The following TENM3 variants were observed in gnomAD, a reference collection of about 807,000 sequenced individuals.
TENM3 encodes the protein teneurin-3.
A neutral mutation model predicts 255.1 loss-of-function variants in TENM3; 63 were observed. The observed-to-expected ratio is 0.25, with a 90% confidence interval of 0.20 to 0.30. The LOEUF (loss-of-function observed/expected upper bound fraction) is 0.30. Among genes scored for constraint, TENM3 ranks in the 10% least tolerant of loss-of-function variants. TENM3 has a pLI of 1.00. For synonymous variants in TENM3, 1,306 were observed against 1,322.3 expected, an observed-to-expected ratio of 0.99 and a Z score of 0.27; for missense variants, 2,929 against 3,461.1, an observed-to-expected ratio of 0.85 and a Z score of 3.86.
the TENM3 span, among the ~76,000 whole-genome samples, chr4:182,116,913 A>G: frequency 8.9e-4 from 136 of 152,358 alleles, no homozygotes; most frequent in Non-Finnish European, 1.6e-3. Flanking sequence ...ACCAGCAGCA[A>G]TAAATGAAAG....
chr4:182,332,909 T>G (rs1763873866), intron 2 of TENM3, among the ~76,000 whole-genome samples: 1 of 152,122 alleles, frequency 6.6e-6, no homozygotes, highest in Admixed American at 6.6e-5. Context: ...CTAAAAAGAC[T>G]GTAACAACTA....
At chr4:181,743,344 C>T in the TENM3 span, among the ~76,000 whole-genome samples, 1 of 152,120 alleles carries the variant, frequency 6.6e-6, no homozygotes, top group Non-Finnish European at 1.5e-5. Context: ...CCTGTTGTTT[C>T]CTGACTTTTT....
At chr4:182,474,861 C>T (rs189063325) in intron 3 of TENM3, among the ~76,000 whole-genome samples, 1 of 152,020 alleles carries the variant, frequency 6.6e-6, no homozygotes, top group East Asian at 1.9e-4. Flanking sequence ...TTATGTGTGC[C>T]TCTAGCTTTG....
chr4:181,653,919 C>A, the TENM3 span, among the ~76,000 whole-genome samples: 1 of 151,722 alleles, frequency 6.6e-6, no homozygotes, highest in South Asian at 2.1e-4. Context: ...TGTGTCCATG[C>A]GTTCTCACAG....
chr4:182,201,568 C>T (rs560106550), intron 1 of TENM3, among the ~76,000 whole-genome samples: 34 of 151,214 alleles, frequency 2.2e-4, no homozygotes, highest in Middle Eastern at 3.4e-3. Context: ...GCAGGAGTTG[C>T]GAGCAGATGC....
chr4:181,826,167 G>T, the TENM3 span, among the ~76,000 whole-genome samples: 5 of 151,916 alleles, frequency 3.3e-5, no homozygotes, highest in Non-Finnish European at 5.9e-5. Flanking sequence ...GCCATAACTT[G>T]TAATAAAATT....
intron 6 of TENM3, among the ~76,000 whole-genome samples, chr4:182,670,992 T>G (rs1755157212): frequency 6.6e-6 from 1 of 151,692 alleles, no homozygotes; most frequent in Non-Finnish European, 1.5e-5. Context: ...CTTGATAGAG[T>G]GAAAATACAA....
chr4:182,605,763 G>A (rs1185491902), intron 4 of TENM3, among the ~76,000 whole-genome samples: 1 of 152,152 alleles, frequency 6.6e-6, no homozygotes, highest in Non-Finnish European at 1.5e-5. Context: ...AATTGAGGAA[G>A]CTATTGTAAG....
chr4:181,891,660 T>C, the TENM3 span, among the ~76,000 whole-genome samples: 1 of 152,332 alleles, frequency 6.6e-6, no homozygotes, highest in South Asian at 2.1e-4. Context: ...TATATGCTCA[T>C]TATTAAACCT....
intron 3 of TENM3, among the ~76,000 whole-genome samples, chr4:182,536,534 G>T (rs959799164): frequency 5.3e-5 from 8 of 152,136 alleles, no homozygotes; most frequent in African/African-American, 1.9e-4. Context: ...CCTGGCCGCC[G>T]CAAAAAGTAC....
chr4:182,688,435 C>A, intron 12 of TENM3, 84 bp downstream of exon 12: 1 of 1,121,044 alleles, frequency 8.9e-7, no homozygotes, highest in Non-Finnish European at 1.2e-6. Context: ...TGGAAAAAGC[C>A]TATTTCTTTA....
chr4:182,397,455 C>G (rs1220307928), intron 3 of TENM3, among the ~76,000 whole-genome samples: 2 of 128,588 alleles, frequency 1.6e-5, no homozygotes, highest in Non-Finnish European at 3.3e-5. Context: ...TGGGAGAGAG[C>G]AGAAAAAGGC....
At chr4:181,559,710 C>T in the TENM3 span, among the ~76,000 whole-genome samples, 5 of 152,190 alleles carry the variant, frequency 3.3e-5, no homozygotes, top group Admixed American at 6.5e-5. Context: ...GGCAATGTCA[C>T]GCCTGCATCA....
At chr4:181,716,261 A>G in the TENM3 span, among the ~76,000 whole-genome samples, 1 of 152,232 alleles carries the variant, frequency 6.6e-6, no homozygotes, top group African/African-American at 2.4e-5. Flanking sequence ...AATTTTAATA[A>G]AGTAATATAT....
At chr4:182,170,774 A>C (rs570236908) in intron 1 of TENM3, among the ~76,000 whole-genome samples, 3 of 152,354 alleles carry the variant, frequency 2.0e-5, no homozygotes, top group Admixed American at 1.3e-4. Context: ...AAATCACATT[A>C]GCTAATTTCA....
At chr4:181,705,941 C>A in the TENM3 span, among the ~76,000 whole-genome samples, 8 of 152,202 alleles carry the variant, frequency 5.3e-5, no homozygotes, top group Middle Eastern at 6.8e-3. Flanking sequence ...GCAACAAGAG[C>A]AAAACTCCAT....
At chr4:181,696,942 CGAA>C in the TENM3 span, among the ~76,000 whole-genome samples, 12 of 152,124 alleles carry the variant, frequency 7.9e-5, no homozygotes, top group South Asian at 2.1e-4. Flanking sequence ...GAGCCTGAAA[CGAA>C]GAAGAAGGAA....
chr4:181,763,456 T>G, the TENM3 span, among the ~76,000 whole-genome samples: 1 of 152,232 alleles, frequency 6.6e-6, no homozygotes, highest in African/African-American at 2.4e-5. Flanking sequence ...TGTTTTTATA[T>G]GGCCCATGAG....
At chr4:181,467,078 T>TGTGC in the TENM3 span, among the ~76,000 whole-genome samples, 9 of 33,590 alleles carry the variant, frequency 2.7e-4, no homozygotes, top group Admixed American at 1.8e-3. Context: ...TGTGTGTGTG[T>TGTGC]GTGTGCGTGT....
Sources: allele counts gnomAD v4.1 joint callset (sites outside exome capture counted in the v4.1 genomes callset), GRCh38; gene constraint gnomAD v4.1.1; transcripts MANE v1.5; gene names NCBI Gene and HGNC (gene_info 2026-07-23, HGNC 2026-07-21).